STRN3: variants seen among roughly 807,000 people sequenced by gnomAD.
The protein encoded by STRN3 is striatin 3.
STRN3 carries 29 observed loss-of-function variants against 95.6 expected under a neutral mutation model. That is an observed-to-expected ratio of 0.30 (90% CI 0.23 to 0.41). STRN3 has a LOEUF of 0.41. STRN3 is among the 10% of genes least tolerant of loss of function. The pLI is 1.00. For missense variants in STRN3, 890 were observed against 972.1 expected (o/e 0.92, Z 1.12); for synonymous variants, 331 against 357.6 (o/e 0.93, Z 0.84).
chr14:30,965,733 G>A (rs1880456918), intron 1 of STRN3, among the ~76,000 whole-genome samples: 1 of 123,878 alleles, frequency 8.1e-6, no homozygotes, highest in Non-Finnish European at 1.6e-5. Flanking sequence ...AGAATCGCTT[G>A]TACCAGCCTG....
At chr14:30,956,109 T>C in intron 2 of STRN3, 30 bp downstream of exon 2, 3 of 1,583,362 alleles carry the variant, frequency 1.9e-6, no homozygotes, top group Non-Finnish European at 2.6e-6. Context: ...TGTTCTACTT[T>C]ATTCATGTAA....
chr14:30,936,501 T>C lies in STRN3; in HGVS notation c.840A>G (p.Lys280=), dbSNP rs547874141. The C allele has an allele frequency of 7.3e-5, 117 of 1,611,262 alleles. 1 individual carries two copies. The South Asian group carries it at 1.2e-3, about 17-fold the overall frequency. ...TATAAAATGTAATTCCTACTTTATG[T>C]TTATTCATCCGATGTTTGTCTTTTC... ...PEGKDKHRMN[K]HKIGNEGLAA... The change falls in exon 6 of 18, where the codon AAA becomes AAG. Residue 280 remains lysine (K), a synonymous_variant. Transcript: ENST00000357479.
At chr14:31,001,005 T>C (rs1433828930) in intron 1 of STRN3, among the ~76,000 whole-genome samples, 5 of 152,114 alleles carry the variant, frequency 3.3e-5, no homozygotes, top group African/African-American at 9.7e-5. Context: ...CTCCGTTAAG[T>C]AGGAGTTGTA....
In STRN3 at chr14:30,947,160, C is replaced by G. The variant is rs773290154; in HGVS notation, c.646G>C (p.Glu216Gln). ...AGGATCTGTTCTAAATTCTTTGTTTCTACTGATCCATTTGGTTCTGAATTA... is the reference window on the plus strand; with the variant it reads ...AGGATCTGTTCTAAATTCTTTGTTTGTACTGATCCATTTGGTTCTGAATTA... ...LSNSEPNGSV[E>Q]TKNLEQILNG... The change falls in exon 5 of 18, where the codon GAA (glutamate) becomes CAA (glutamine). Residue 216 changes from glutamate to glutamine, a missense_variant. Physicochemically the swap from Glu to Gln is conservative, Grantham distance 29. Transcript: ENST00000357479. 6.2e-7 allele frequency: 1 copy of G among 1,612,924 alleles called. No individual in the cohort carries two copies. The highest frequency in any genetic ancestry group is 8.5e-7 in the Non-Finnish European group (1 of 1,179,610).
intron 1 of STRN3, among the ~76,000 whole-genome samples, chr14:30,977,076 A>C (rs150122383): frequency 1.6e-3 from 251 of 152,220 alleles, no homozygotes; most frequent in Non-Finnish European, 3.1e-3. Context: ...AATACAAAAA[A>C]TTCGCTGGGT....
Position 31,026,030 on chromosome 14 carries a change from C to T in STRN3, c.156G>A (p.Ala52=). The T allele has an allele frequency of 6.5e-7, 1 of 1,538,486 alleles. No individual in the cohort carries two copies. Among genetic ancestry groups the T allele is most frequent in the Non-Finnish European group, 8.8e-7 (1 of 1,141,780 alleles). Residue 52 remains alanine, a synonymous_variant, in exon 1 of 18, where the codon GCG becomes GCA. Transcript: ENST00000357479. ...GCGGCCGGGACAGCTCGGGGCCTGC[C>T]GCGGGACCCGCTCCCTCGGAGGCCG... is the stretch of plus-strand genomic sequence containing the variant. ...GPPASEGAGP[A]AGPELSRPQQ...
intron 1 of STRN3, among the ~76,000 whole-genome samples, chr14:30,977,500 A>T (rs1035707167): frequency 2.6e-5 from 4 of 151,340 alleles, no homozygotes; most frequent in African/African-American, 9.7e-5. Flanking sequence ...ATCAGAAATG[A>T]GGCCGGGCAT....
At chr14:30,958,330 A>G (rs956416125) in intron 1 of STRN3, among the ~76,000 whole-genome samples, 1 of 149,016 alleles carries the variant, frequency 6.7e-6, no homozygotes, top group Non-Finnish European at 1.5e-5. Context: ...AAATAAAAAT[A>G]AACAAATAAG....
At chr14:31,014,876 A>C (rs1050051043) in intron 1 of STRN3, 1 of 387,658 alleles carries the variant, frequency 2.6e-6, no homozygotes, top group African/African-American at 2.2e-5. Flanking sequence ...CACCCAGGCT[A>C]AAGTACAATG....
intron 3 of STRN3, 73 bp downstream of exon 3, chr14:30,955,547 G>T: frequency 7.9e-7 from 1 of 1,266,472 alleles, no homozygotes; most frequent in Non-Finnish European, 1.1e-6. Context: ...ACCAAAATGC[G>T]GGTAAAGAGA....
intron 1 of STRN3, among the ~76,000 whole-genome samples, chr14:31,022,494 T>C (rs1883551137): frequency 6.6e-6 from 1 of 151,950 alleles, no homozygotes; most frequent in Non-Finnish European, 1.5e-5. Context: ...ATCCACTTAC[T>C]ACATACAAAC....
chr14:30,956,820 T>G (rs1879929365), intron 1 of STRN3, among the ~76,000 whole-genome samples: 1 of 152,154 alleles, frequency 6.6e-6, no homozygotes, highest in African/African-American at 2.4e-5. Flanking sequence ...GACATATTAT[T>G]TCAAAAAACA....
chr14:30,905,448 A>G lies in STRN3; in HGVS notation c.1999T>C (p.Leu667=), dbSNP rs1243548578. ...TCTACCTGTGATGAAAGTATCACCA[A>G]TGACTGTGATGTTTCTAAATCATAA... The part of the protein sequence containing the change: ...VIYDLETSQS[L]VILSSQVDSG... Residue 667 remains leucine, a synonymous_variant, in exon 15 of 18, where the codon TTG becomes CTG. Transcript: ENST00000357479. 1.2e-6 allele frequency: 2 copies of G among 1,605,950 alleles called. No individual in the cohort carries two copies. The highest frequency in any genetic ancestry group is 1.7e-6 in the Non-Finnish European group (2 of 1,177,202).
chr14:31,019,300 C>G (rs1013767978), intron 1 of STRN3, among the ~76,000 whole-genome samples: 1 of 152,104 alleles, frequency 6.6e-6, no homozygotes, highest in Admixed American at 6.5e-5. Flanking sequence ...CATAGTGAGA[C>G]CCTGTCTCTT....
At position 31,009,520 on chromosome 14, in the gene STRN3, C is replaced by T. The variant is rs774380912; in HGVS notation, c.282+16384G>A. Among the ~76,000 whole-genome samples, 18 of 149,710 alleles carry T rather than the reference C, an allele frequency of 1.2e-4. No individual in the cohort carries two copies. In the East Asian group the frequency reaches 2.3e-3, roughly 19 times the overall value. On this transcript the variant is annotated intron_variant, in intron 1 of 17. Coordinates refer to ENST00000357479, the MANE Select transcript of STRN3 (RefSeq NM_001083893.2). ...GTTGAAAACCACTTTTGCATTTGTA[C>T]GGAAAAAATTCTGAAAAGACATGCA...
intron 5 of STRN3, among the ~76,000 whole-genome samples, chr14:30,942,268 T>C (rs1269527744): frequency 1.3e-5 from 2 of 152,174 alleles, no homozygotes; most frequent in East Asian, 1.9e-4. Context: ...CACTGTCCTT[T>C]AGCAAAATTT....
chr14:30,995,932 TTGTCCTCCA>T (rs1193131210), intron 1 of STRN3, among the ~76,000 whole-genome samples: 1 of 152,128 alleles, frequency 6.6e-6, no homozygotes, highest in Non-Finnish European at 1.5e-5. Flanking sequence ...CTAAATTCAG[TTGTCCTCCA>T]AAGTGGCCTC....
At chr14:30,958,669 C>T (rs899527141) in intron 1 of STRN3, among the ~76,000 whole-genome samples, 1 of 152,078 alleles carries the variant, frequency 6.6e-6, no homozygotes, top group East Asian at 1.9e-4. Flanking sequence ...CTGAAGGAAA[C>T]CTGTTTTATT....
intron 1 of STRN3, among the ~76,000 whole-genome samples, chr14:30,974,745 A>G (rs1398573954): frequency 6.6e-6 from 1 of 152,178 alleles, no homozygotes; most frequent in Non-Finnish European, 1.5e-5. Flanking sequence ...AGTAGAGGCT[A>G]AAGTGAGCTG....
Sources: allele counts gnomAD v4.1 joint callset (sites outside exome capture counted in the v4.1 genomes callset), GRCh38; gene constraint gnomAD v4.1.1; transcripts MANE v1.5; gene names NCBI Gene and HGNC (gene_info 2026-07-23, HGNC 2026-07-21).